The following GABRB1 variants were observed in gnomAD, a reference collection of about 807,000 sequenced individuals.
The protein encoded by GABRB1 is gamma-aminobutyric acid type A receptor subunit beta1.
In GABRB1, 17 loss-of-function variants were observed where a neutral mutation model predicts 51.6. That is an observed-to-expected ratio of 0.33 (90% confidence interval 0.23 to 0.49). The LOEUF (loss-of-function observed/expected upper bound fraction) is 0.49, where lower values mean the gene tolerates loss of function less well. Among genes scored for constraint, GABRB1 ranks in the 20% least tolerant of loss-of-function variants. The pLI is 0.99. For missense variants in GABRB1, 410 were observed against 600.6 expected (o/e 0.68, Z 3.32); for synonymous variants, 247 against 218.9 (o/e 1.13, Z -1.14).
At chr4:47,403,880 T>G (rs1389320385) in intron 7 of GABRB1, among the ~76,000 whole-genome samples, 169 bp downstream of exon 7, 1 of 152,206 alleles carries the variant, frequency 6.6e-6, no homozygotes, top group African/African-American at 2.4e-5. Flanking sequence ...CAACGAATAT[T>G]CTACAATGTA....
chr4:47,397,543 A>G (rs1182933917), intron 5 of GABRB1, among the ~76,000 whole-genome samples: 2 of 152,022 alleles, frequency 1.3e-5, no homozygotes, highest in Non-Finnish European at 2.9e-5. Flanking sequence ...ACTACCTGGT[A>G]GGGCTAGTTG....
At chr4:47,413,191 A>G (rs531030629) in intron 8 of GABRB1, among the ~76,000 whole-genome samples, 2 of 152,380 alleles carry the variant, frequency 1.3e-5, no homozygotes, top group South Asian at 2.1e-4. Context: ...TTGTTAAAAC[A>G]GAAATTCCGC....
chr4:47,384,122 G>T (rs1727691729), intron 5 of GABRB1, among the ~76,000 whole-genome samples: 1 of 151,882 alleles, frequency 6.6e-6, no homozygotes, highest in African/African-American at 2.4e-5. Context: ...TTTTTTAAAT[G>T]ATTACATATT....
chr4:47,056,314 G>A (rs567860871), intron 3 of GABRB1, among the ~76,000 whole-genome samples: 11 of 152,156 alleles, frequency 7.2e-5, no homozygotes, highest in Admixed American at 3.9e-4. Context: ...CACCCTCTCC[G>A]ACCCAGCTTA....
chr4:47,424,025 C>T (rs1729180504), intron 8 of GABRB1, among the ~76,000 whole-genome samples: 1 of 151,950 alleles, frequency 6.6e-6, no homozygotes, highest in Non-Finnish European at 1.5e-5. Flanking sequence ...GTGGGTAGCC[C>T]AATTAGACTG....
At chr4:47,342,012 A>C (rs1725918521) in intron 5 of GABRB1, among the ~76,000 whole-genome samples, 1 of 152,220 alleles carries the variant, frequency 6.6e-6, no homozygotes, top group African/African-American at 2.4e-5. Flanking sequence ...AATCCTGTGA[A>C]GCTCAATAGC....
intron 3 of GABRB1, among the ~76,000 whole-genome samples, chr4:47,066,452 A>G (rs1056317240): frequency 1.3e-5 from 2 of 152,226 alleles, no homozygotes; most frequent in African/African-American, 4.8e-5. Flanking sequence ...TATTCATAGT[A>G]GAACTTCTTT....
intron 5 of GABRB1, among the ~76,000 whole-genome samples, chr4:47,328,327 T>C (rs1027809215): frequency 3.9e-5 from 6 of 152,208 alleles, no homozygotes; most frequent in Non-Finnish European, 8.8e-5. Flanking sequence ...TGAGATCCCA[T>C]TTGTCAATTT....
upstream of GABRB1, chr4:47,031,457 A>G (rs1432349898): frequency 3.4e-6 from 2 of 596,484 alleles, no homozygotes; most frequent in Non-Finnish European, 6.0e-6. Flanking sequence ...GAGCACCCCA[A>G]ATAGGAACTT....
Position 47,224,926 on chromosome 4 carries a change from T to C in GABRB1, c.461+63457T>C, listed in dbSNP as rs183088025. Among the ~76,000 whole-genome samples, 10 of 152,208 alleles carry C rather than the reference T, an allele frequency of 6.6e-5. No individual in the cohort carries two copies. In the East Asian group the frequency reaches 1.9e-3, roughly 29 times the overall value. ...TTTTTGTTTTTGAGACAGAGTTTCA[T>C]TCTTGTTGCTCAGGCTGGAGTGCAA... On this transcript the variant is annotated intron_variant, in intron 4 of 8. Transcript: ENST00000295454.
chr4:47,304,573 A>T (rs370735487), intron 4 of GABRB1, among the ~76,000 whole-genome samples: 1 of 151,948 alleles, frequency 6.6e-6, no homozygotes, highest in Non-Finnish European at 1.5e-5. Flanking sequence ...CTTTCATTTC[A>T]TAGGCTGTCT....
chr4:47,113,949 C>T (rs1715353872), intron 3 of GABRB1, among the ~76,000 whole-genome samples: 1 of 152,166 alleles, frequency 6.6e-6, no homozygotes, highest in South Asian at 2.1e-4. Flanking sequence ...GCCTTTTCTA[C>T]TTTCTCAGCC....
At chr4:47,141,454 C>T (rs1280082188) in intron 3 of GABRB1, among the ~76,000 whole-genome samples, 2 of 151,918 alleles carry the variant, frequency 1.3e-5, no homozygotes, top group Non-Finnish European at 2.9e-5. Flanking sequence ...TCTTATCAAC[C>T]ATGGCTAGGG....
rs34799114 is a variant in GABRB1 at position 47,050,429 on chromosome 4, G to GTATA, written c.240+17954_240+17957dup. 2.7e-3 allele frequency among the ~76,000 whole-genome samples: 409 copies of GTATA among 151,552 alleles called. 1 individual carries two copies. The highest frequency in any genetic ancestry group is 4.7e-3 in the Admixed American group (72 of 15,190). The stretch of plus-strand genomic sequence containing the variant: ...TCAGGCAACAAATATATGTATATAC[G>GTATA]TATATATATATACATACATATATTT... On this transcript the variant is annotated intron_variant, in intron 3 of 8. Transcript: ENST00000295454.
chr4:47,138,460 C>A (rs533014627), intron 3 of GABRB1, among the ~76,000 whole-genome samples: 17 of 152,144 alleles, frequency 1.1e-4, no homozygotes, highest in Non-Finnish European at 2.2e-4. Flanking sequence ...CCCCTCAGTA[C>A]GAAGGCTGGG....
intron 5 of GABRB1, among the ~76,000 whole-genome samples, chr4:47,321,501 A>G (rs1365702444): frequency 6.6e-6 from 1 of 152,236 alleles, no homozygotes; most frequent in African/African-American, 2.4e-5. Context: ...CATCATATAA[A>G]GAAGTTATTA....
At chr4:47,128,473 C>G (rs1716264197) in intron 3 of GABRB1, among the ~76,000 whole-genome samples, 1 of 151,794 alleles carries the variant, frequency 6.6e-6, no homozygotes, top group Non-Finnish European at 1.5e-5. Context: ...TTATTAATAT[C>G]ACAGATAAAA....
At chr4:47,060,496 A>G (rs1328009850) in intron 3 of GABRB1, among the ~76,000 whole-genome samples, 1 of 152,152 alleles carries the variant, frequency 6.6e-6, no homozygotes, top group Non-Finnish European at 1.5e-5. Flanking sequence ...GGTGGGATTA[A>G]CTTCCACATG....
At chr4:47,377,183 G>A (rs1159308304) in intron 5 of GABRB1, among the ~76,000 whole-genome samples, 3 of 152,124 alleles carry the variant, frequency 2.0e-5, no homozygotes, top group African/African-American at 7.2e-5. Context: ...TGCTCTTGTT[G>A]CCCAGGCTGG....
Sources: allele counts gnomAD v4.1 joint callset (sites outside exome capture counted in the v4.1 genomes callset), GRCh38; gene constraint gnomAD v4.1.1; transcripts MANE v1.5; gene names NCBI Gene and HGNC (gene_info 2026-07-23, HGNC 2026-07-21).